AGER: variants seen among roughly 807,000 people sequenced by gnomAD.
AGER encodes the protein advanced glycation end product-specific receptor.
A neutral mutation model predicts 48.8 loss-of-function variants in AGER; 46 were observed. That is an observed-to-expected ratio of 0.94 (90% CI 0.74 to 1.20). The LOEUF (loss-of-function observed/expected upper bound fraction) is 1.20, where lower values mean the gene tolerates loss of function less well. Ranked by LOEUF, AGER falls within the 50% of genes most tolerant of loss-of-function variation. The pLI, the probability that AGER is intolerant of heterozygous loss-of-function variation, is 0.00. For synonymous variants in AGER, 170 were observed against 199.9 expected (o/e 0.85, Z 1.26); for missense variants, 489 against 515.0 (o/e 0.95, Z 0.49).
chr6:32,183,886 T>G lies in AGER; in HGVS notation c.154A>C (p.Lys52Gln). The change falls in exon 2 of 11, where the codon AAA becomes CAA. Residue 52 changes from lysine to glutamine, a missense_variant. Lys to Gln is a moderately conservative substitution (Grantham distance 53). Coordinates refer to ENST00000375076, the MANE Select transcript of AGER (RefSeq NM_001136.5). ...GCAACAGGAGCCCCGCTTACCAGTT[T>G]CCATTCCAGCCGCTGGGGTGGTTTC... ...PKKPPQRLEW[K>Q]LNTGRTEAWK... The G allele has an allele frequency of 6.2e-7, 1 of 1,613,040 alleles. No individual in the cohort carries two copies. Among genetic ancestry groups the G allele is most frequent in the Non-Finnish European group, 8.5e-7 (1 of 1,180,008 alleles).
Position 32,182,367 on chromosome 6 carries a change from G to C in AGER, c.844C>G (p.Pro282Ala). Residue 282 changes from proline (P) to alanine (A), a missense_variant, in exon 8 of 11, where the codon CCC (proline) becomes GCC (alanine). By Grantham distance (27) the Pro-to-Ala change is conservative. Coordinates refer to ENST00000375076, the MANE Select transcript of AGER (RefSeq NM_001136.5). The surrounding 1 kb of genome is among the most constrained non-coding windows in gnomAD (Gnocchi z 5.1). ...TCAGGGAGGATCAGCACAGGGCTGG[G>C]GGGAAGGGGCAAGGGCACACCCTGG... ...MKDGVPLPLP[P>A]SPVLILPEIG... is the part of the protein sequence containing the mutation. 1 of 1,612,458 alleles carries C rather than the reference G, an allele frequency of 6.2e-7. No individual in the cohort carries two copies. Among genetic ancestry groups the C allele is most frequent in the East Asian group, 2.2e-5 (1 of 44,876 alleles).
At position 32,181,282 on chromosome 6, in the gene AGER, ACC is replaced by A. The variant is rs757416925; in HGVS notation, c.1119-45_1119-44del. 18 of 1,612,960 alleles carry A rather than the reference ACC, an allele frequency of 1.1e-5. No individual in the cohort carries two copies. Among genetic ancestry groups the A allele is most frequent in the African/African-American group, 2.7e-5 (2 of 74,678 alleles). ...GGGGAATGCGGCACGTTGTCGTTCC[ACC>A]CCCCGACCCCTCTTCGCTTGCTGCC... On this transcript the variant is annotated intron_variant, in intron 10 of 10. Transcript: ENST00000375076. The surrounding 1 kb of genome is among the most constrained non-coding windows in gnomAD (Gnocchi z 4.1).
Position 32,181,112 on chromosome 6 carries a change from A to G in AGER, c.*31T>C, listed in dbSNP as rs748638860. The G allele has an allele frequency of 5.6e-6, 9 of 1,606,600 alleles. No homozygotes were observed. The South Asian group carries it at 7.7e-5, about 14-fold the overall frequency. ...ACAGTTCAAGGGAAAAAGAAAAGGG[A>G]GCTGATGGATGGGATCTGTCTGTGG... On this transcript the variant is annotated 3_prime_UTR_variant, in exon 11 of 11. Transcript: ENST00000375076. The surrounding 1 kb of genome is among the most constrained non-coding windows in gnomAD (Gnocchi z 4.1).
Position 32,182,733 on chromosome 6 carries a change from C to A in AGER, c.692-35G>T. 1.9e-6 allele frequency: 3 copies of A among 1,613,048 alleles called. No individual in the cohort carries two copies. Among genetic ancestry groups the A allele is most frequent in the Non-Finnish European group, 2.5e-6 (3 of 1,180,020 alleles). ...GGAAGGGTTTTGAGGTGGAGAGTTA[C>A]ACTTGTGAGTGATCCCAGTGGCCAT... On this transcript the variant is annotated intron_variant, in intron 6 of 10. Transcript: ENST00000375076. The surrounding 1 kb of genome is among the most constrained non-coding windows in gnomAD (Gnocchi z 5.1).
At position 32,183,112 on chromosome 6, in the gene AGER, A is replaced by G; in HGVS notation, c.508+2T>C. On this transcript the variant is annotated splice_donor_variant, in intron 5 of 10. Transcript: ENST00000375076. LOFTEE classifies it high-confidence loss of function. ...CAGCTTGGGGGGCACCTTAGGACTC[A>G]CCCTTCTCATTAGGCACCAGGGGCT... 6.2e-7 allele frequency: 1 copy of G among 1,612,996 alleles called. No homozygotes were observed. Among genetic ancestry groups the G allele is most frequent in the East Asian group, 2.2e-5 (1 of 44,886 alleles).
intron 4 of AGER, 31 bp from the exon 5 acceptor site, chr6:32,183,232 T>C: frequency 6.2e-7 from 1 of 1,612,656 alleles, no homozygotes; most frequent in Non-Finnish European, 8.5e-7. Flanking sequence ...TCAGAATCCT[T>C]TGAAAATGAG....
rs1434042548 is a variant in AGER, at chr6:32,182,870, C to T, written c.662G>A (p.Arg221His). Residue 221 changes from arginine (R) to histidine (H), a missense_variant, in exon 6 of 11, where the codon CGC becomes CAC. Arg to His is a conservative substitution (Grantham distance 29, BLOSUM62 0). Transcript: ENST00000375076. The surrounding 1 kb of genome is among the most constrained non-coding windows in gnomAD (Gnocchi z 5.1). Reference protein sequence around the residue: ...SPGLPRHRALRTAPIQPRVWE... With the variant: ...SPGLPRHRALHTAPIQPRVWE... ...GACACGGGGCTGGATGGGGGCTGTG[C>T]GCAAGGCCCGGTGTCGGGGAAGGCC... 6.8e-6 allele frequency: 11 copies of T among 1,611,392 alleles called. No individual in the cohort carries two copies. Among genetic ancestry groups the T allele is most frequent in the South Asian group, 1.1e-5 (1 of 91,010 alleles).
At position 32,182,818 on chromosome 6, in the gene AGER, G is replaced by A. The variant is rs754953233; in HGVS notation, c.691+23C>T. The A allele has an allele frequency of 1.9e-6, 3 of 1,612,516 alleles. No homozygotes were observed. In the South Asian group the frequency reaches 3.3e-5, roughly 18 times the overall value. On this transcript the variant is annotated intron_variant, in intron 6 of 10. Transcript: ENST00000375076. The surrounding 1 kb of genome is among the most constrained non-coding windows in gnomAD (Gnocchi z 5.1). Reference sequence around the variant, plus strand: ...TCCAGAACGTGCTCACGTGAGCTTGGGGCCCTCCCCACCTATGCTCACCCC... The same window carrying A: ...TCCAGAACGTGCTCACGTGAGCTTGAGGCCCTCCCCACCTATGCTCACCCC...
Position 32,183,927 on chromosome 6 carries a change from C to T in AGER, c.113G>A (p.Cys38Tyr), listed in dbSNP as rs950976609. 16 of 1,613,092 alleles carry T rather than the reference C, an allele frequency of 9.9e-6. No individual in the cohort carries two copies. Among genetic ancestry groups the T allele is most frequent in the Non-Finnish European group, 1.4e-5 (16 of 1,180,032 alleles). Reference sequence around the variant, plus strand: ...GGGTGGTTTCTTGGGGGCCCCCTTACACTTCAGCACCAGTGGCTCGCCAAT... The same window carrying T: ...GGGTGGTTTCTTGGGGGCCCCCTTATACTTCAGCACCAGTGGCTCGCCAAT... ...ARIGEPLVLK[C>Y]KGAPKKPPQR... Residue 38 changes from cysteine (C) to tyrosine (Y), a missense_variant, in exon 2 of 11, where the codon TGT becomes TAT. By Grantham distance (194) the Cys-to-Tyr change is radical. Coordinates refer to ENST00000375076, the MANE Select transcript of AGER (RefSeq NM_001136.5).
rs1182157165 is a variant in AGER at position 32,183,867 on chromosome 6, G to C, written c.159+14C>G. 6.2e-7 allele frequency: 1 copy of C among 1,613,046 alleles called. No individual in the cohort carries two copies. Among genetic ancestry groups the C allele is most frequent in the Admixed American group, 1.7e-5 (1 of 60,028 alleles). On this transcript the variant is annotated intron_variant, in intron 2 of 10. Transcript: ENST00000375076. ...CCCTGGAAGTTGGGAGGCTGCAACA[G>C]GAGCCCCGCTTACCAGTTTCCATTC... is the stretch of plus-strand genomic sequence containing the variant.
Position 32,180,977 on chromosome 6 carries a change from GTCAGGTGTTTAA to G in AGER, c.*154_*165del. Reference sequence around the variant, plus strand: ...ACACAGACACACAAGAGCAAGATGTGTCAGGTGTTTAATCATCATTGTGGGGGGCTCTGGTTG... The same window carrying G: ...ACACAGACACACAAGAGCAAGATGTGTCATCATTGTGGGGGGCTCTGGTTG... On this transcript the variant is annotated 3_prime_UTR_variant, in exon 11 of 11. Transcript: ENST00000375076. The G allele has an allele frequency of 1.4e-6, 1 of 715,918 alleles. No individual in the cohort carries two copies. The highest frequency in any genetic ancestry group is 2.5e-5 in the East Asian group (1 of 40,198). The allele number at this position is 715,918 out of a possible 1,614,324, so 44.3% of individuals were successfully genotyped here. A position where few individuals can be genotyped will look rare whatever the true frequency, so the allele number is the denominator to read the frequency against.
In AGER at chr6:32,182,314, G is replaced by T. The variant is rs992491898; in HGVS notation, c.897C>A (p.Tyr299Ter). 2 of 1,612,818 alleles carry T rather than the reference G, an allele frequency of 1.2e-6. No individual in the cohort carries two copies. The highest frequency in any genetic ancestry group is 1.7e-6 in the Non-Finnish European group (2 of 1,180,010). The part of the protein sequence containing the change: ...PEIGPQDQGT[Y>*]SCVATHSSHG... ...GGCTGGAATGGGTGGCCACACAGCT[G>T]TAGGTTCCCTGGTCCTGAGGCCCTA... Residue 299 changes from tyrosine (Y) to a stop codon, truncating the protein, a stop_gained, in exon 8 of 11, where the codon TAC becomes TAA. Coordinates refer to ENST00000375076, the MANE Select transcript of AGER (RefSeq NM_001136.5). LOFTEE classifies it high-confidence loss of function. The surrounding 1 kb of genome is among the most constrained non-coding windows in gnomAD (Gnocchi z 5.1).
chr6:32,182,808 C>A lies in AGER; in HGVS notation c.691+33G>T. On this transcript the variant is annotated intron_variant, in intron 6 of 10. Transcript: ENST00000375076. The surrounding 1 kb of genome is among the most constrained non-coding windows in gnomAD (Gnocchi z 5.1). ...GGGTCAGACTTCCAGAACGTGCTCA[C>A]GTGAGCTTGGGGCCCTCCCCACCTA... 2 of 1,612,646 alleles carry A rather than the reference C, an allele frequency of 1.2e-6. No homozygotes were observed. The highest frequency in any genetic ancestry group is 1.7e-6 in the Non-Finnish European group (2 of 1,179,970).
Position 32,181,399 on chromosome 6 carries a change from A to T in AGER, c.1070T>A (p.Leu357His), listed in dbSNP as rs1438823973. The change falls in exon 10 of 11, where the codon CTC becomes CAC. Residue 357 changes from leucine to histidine, a missense_variant. Physicochemically the swap from Leu to His is moderately conservative, Grantham distance 99 (BLOSUM62 -3). Coordinates refer to ENST00000375076, the MANE Select transcript of AGER (RefSeq NM_001136.5). The surrounding 1 kb of genome is among the most constrained non-coding windows in gnomAD (Gnocchi z 4.1). ...CCTTTGCCACAAGATGACCCCAATG[A>T]GCAGGGCGGCTGTCCCCAGGCCTCC... ...ILGGLGTAAL[L>H]IGVILWQRRQ... The T allele has an allele frequency of 1.9e-6, 3 of 1,613,280 alleles. No homozygotes were observed. Among genetic ancestry groups the T allele is most frequent in the Non-Finnish European group, 2.5e-6 (3 of 1,179,690 alleles).
chr6:32,184,012 G>T (rs1020975916), intron 1 of AGER, 25 bp from the exon 2 acceptor site: 1 of 1,612,866 alleles, frequency 6.2e-7, no homozygotes, highest in African/African-American at 1.3e-5. Context: ...CATGGTAGAG[G>T]GGTAGGAAGG....
Position 32,181,526 on chromosome 6 carries a change from T to C in AGER, c.992-49A>G, listed in dbSNP as rs1395311289. The C allele has an allele frequency of 1.2e-6, 2 of 1,613,030 alleles. No homozygotes were observed. Among genetic ancestry groups the C allele is most frequent in the Non-Finnish European group, 1.7e-6 (2 of 1,180,038 alleles). On this transcript the variant is annotated intron_variant, in intron 9 of 10. Coordinates refer to ENST00000375076, the MANE Select transcript of AGER (RefSeq NM_001136.5). The surrounding 1 kb of genome is among the most constrained non-coding windows in gnomAD (Gnocchi z 4.1). ...AGAGCACAGCCACCACCACTCACCA[T>C]TCCTTTCTTGTTGACCATCCCCCCA...
chr6:32,181,163 T>C lies in AGER; in HGVS notation c.1195A>G (p.Ser399Gly), dbSNP rs1786111723. 3 of 1,614,116 alleles carry C rather than the reference T, an allele frequency of 1.9e-6. No homozygotes were observed. The highest frequency in any genetic ancestry group is 2.5e-6 in the Non-Finnish European group (3 of 1,180,030). ...GCCCCTCAAGGCCCTCCAGTACTAC[T>C]CTCGCCTGCCTCAGGTTCCTCCGAC... is the stretch of plus-strand genomic sequence containing the variant. The part of the protein sequence containing the change: ...NQSEEPEAGE[S>G]STGGP The change falls in exon 11 of 11, where the codon AGT (serine) becomes GGT (glycine). Residue 399 changes from serine (S) to glycine (G), a missense_variant. Physicochemically the swap from Ser to Gly is moderately conservative, Grantham distance 56. Coordinates refer to ENST00000375076, the MANE Select transcript of AGER (RefSeq NM_001136.5). This position sits in a 1 kb window ranked among gnomAD's most constrained non-coding sequence, Gnocchi z 4.1.
Position 32,182,167 on chromosome 6 carries a change from C to T in AGER, c.964+80G>A. The T allele has an allele frequency of 1.2e-6, 2 of 1,601,136 alleles. No homozygotes were observed. Among genetic ancestry groups the T allele is most frequent in the South Asian group, 2.2e-5 (2 of 90,892 alleles). ...GTGGGGTGGCTGTTAGGGATAAGGC[C>T]AGAATGGGGCAGGAAATTAGAGCCT... On this transcript the variant is annotated intron_variant, in intron 8 of 10. Coordinates refer to ENST00000375076, the MANE Select transcript of AGER (RefSeq NM_001136.5). This position sits in a 1 kb window ranked among gnomAD's most constrained non-coding sequence, Gnocchi z 5.1.
In AGER at chr6:32,182,022, C is replaced by T. The variant is rs1056794399; in HGVS notation, c.964+225G>A. The T allele has an allele frequency of 1.8e-5, 13 of 742,588 alleles. No individual in the cohort carries two copies. Among genetic ancestry groups the T allele is most frequent in the East Asian group, 2.7e-5 (1 of 37,298 alleles). The allele number at this position is 742,588 out of a possible 1,614,324, so 46.0% of individuals were successfully genotyped here. A position where few individuals can be genotyped will look rare whatever the true frequency, so the allele number is the denominator to read the frequency against. ...TGTTGGGATTACAGGCGTGAGCCAC[C>T]GCGCCCAGCCGTCTGTTCCTTTTTT... On this transcript the variant is annotated intron_variant, in intron 8 of 10. Coordinates refer to ENST00000375076, the MANE Select transcript of AGER (RefSeq NM_001136.5). The surrounding 1 kb of genome is among the most constrained non-coding windows in gnomAD (Gnocchi z 5.1).
Sources: gnomAD v4.1 joint callset for allele counts on GRCh38, gnomAD v4.1.1 for gene constraint, Gnocchi (gnomAD v3.1) non-coding constraint, MANE v1.5 for transcripts, NCBI Gene and HGNC (gene_info 2026-07-23, HGNC 2026-07-21) for gene names.